The following ATP5PF variants were observed in gnomAD, a reference collection of about 807,000 sequenced individuals.
The protein encoded by ATP5PF is ATP synthase peripheral stalk subunit F6, also known as ATP synthase peripheral stalk subunit F6, mitochondrial.
Under a neutral mutation model 12.0 loss-of-function variants are expected in ATP5PF, and 7 were observed. The observed-to-expected ratio is 0.58, with a 90% CI of 0.33 to 1.10. The LOEUF (loss-of-function observed/expected upper bound fraction) is 1.10. ATP5PF is among the 50% of genes least tolerant of loss of function. The pLI is 0.03. For missense variants in ATP5PF, 120 were observed against 127.7 expected, an observed-to-expected ratio of 0.94 and a Z score of 0.29; for synonymous variants, 41 against 45.4, an observed-to-expected ratio of 0.90 and a Z score of 0.39.
At chr21:25,733,268 G>A (rs2034853328) in intron 1 of ATP5PF, among the ~76,000 whole-genome samples, 1 of 151,858 alleles carries the variant, frequency 6.6e-6, no homozygotes, top group South Asian at 2.1e-4. Flanking sequence ...GGTGGCTCAC[G>A]CTTGTAATCC....
chr21:25,725,450 T>C, intron 2 of ATP5PF, 100 bp from the exon 3 acceptor site: 1 of 1,338,632 alleles, frequency 7.5e-7, no homozygotes, highest in Non-Finnish European at 9.8e-7. Flanking sequence ...TTTTTTTTTT[T>C]TCTTTTTTGA....
upstream of ATP5PF, chr21:25,734,970 T>G (rs1189835647): frequency 8.9e-6 from 14 of 1,566,772 alleles, no homozygotes; most frequent in Non-Finnish European, 1.2e-5. Context: ...GGCCGCCGTT[T>G]CAGTCGGTCG....
intron 1 of ATP5PF, among the ~76,000 whole-genome samples, chr21:25,730,736 CAAAAAA>C (rs71183508): frequency 5.6e-4 from 18 of 31,880 alleles, no homozygotes; most frequent in Non-Finnish European, 8.4e-4. Context: ...CTCCGTCTCA[CAAAAAA>C]AAAAAAAAAA....
chr21:25,734,260 G>GT lies in ATP5PF; in HGVS notation c.-8+592dup, dbSNP rs533823275. ...ATCAGAAAGACTGGGGAAGGCAACA[G>GT]TAAGAAAACACTAGTCTGAGCAGAG... On this transcript the variant is annotated intron_variant, in intron 1 of 3. Coordinates refer to ENST00000284971, the MANE Select transcript of ATP5PF (RefSeq NM_001003703.2). 4.4e-4 allele frequency: 410 copies of GT among 930,132 alleles called. 1 individual carries two copies. The highest frequency in any genetic ancestry group is 5.5e-4 in the Middle Eastern group (1 of 1,816). 57.6% of individuals were successfully genotyped at this position (930,132 alleles called of 1,614,324 possible).
At chr21:25,732,331 G>A (rs965000372) in intron 1 of ATP5PF, among the ~76,000 whole-genome samples, 1 of 152,026 alleles carries the variant, frequency 6.6e-6, no homozygotes, top group African/African-American at 2.4e-5. Context: ...ACTCTGGAAT[G>A]GCATGTAAAA....
chr21:25,732,404 T>C (rs1323896196), intron 1 of ATP5PF, among the ~76,000 whole-genome samples: 3 of 151,940 alleles, frequency 2.0e-5, no homozygotes, highest in African/African-American at 4.8e-5. Flanking sequence ...CCCAGCACTT[T>C]GGAAGAACAA....
rs901459950 is a variant in ATP5PF, at chr21:25,731,558, CT to C, written c.-7-1758del. Among the ~76,000 whole-genome samples, 393 of 142,254 alleles carry C rather than the reference CT, an allele frequency of 2.8e-3. 1 individual carries two copies. The highest frequency in any genetic ancestry group is 3.0e-3 in the Admixed American group (43 of 14,190). The allele number at this position is 142,254 out of a possible 152,430, so 93.3% of individuals were successfully genotyped here. ...TGCCATCACACCAGGCTAATTTTTA[CT>C]TTTTTTTTTTTTTTGTAGAGACGAG... On this transcript the variant is annotated intron_variant, in intron 1 of 3. Coordinates refer to ENST00000284971, the MANE Select transcript of ATP5PF (RefSeq NM_001003703.2).
chr21:25,733,414 C>T (rs1009880517), intron 1 of ATP5PF, among the ~76,000 whole-genome samples: 9 of 152,094 alleles, frequency 5.9e-5, no homozygotes, highest in African/African-American at 1.9e-4. Flanking sequence ...CCTGTAGTCC[C>T]AGCTACTCCG....
chr21:25,726,084 T>C (rs966679528), intron 2 of ATP5PF, among the ~76,000 whole-genome samples: 2 of 152,172 alleles, frequency 1.3e-5, no homozygotes, highest in Non-Finnish European at 2.9e-5. Flanking sequence ...AATATGAAGG[T>C]TCTACCAAAC....
At chr21:25,725,442 T>A in intron 2 of ATP5PF, 92 bp from the exon 3 acceptor site, 5 of 1,358,538 alleles carry the variant, frequency 3.7e-6, no homozygotes, top group Non-Finnish European at 4.8e-6. Context: ...ACAGATCTTT[T>A]TTTTTTTTTC....
chr21:25,735,651 C>G (rs1174374257), upstream of ATP5PF: 1 of 152,096 alleles, frequency 6.6e-6, no homozygotes, highest in Non-Finnish European at 1.5e-5. Context: ...CCTTTTCCCC[C>G]ACAAGGGCCC....
intron 2 of ATP5PF, among the ~76,000 whole-genome samples, chr21:25,727,965 T>C (rs1342727886): frequency 6.6e-6 from 1 of 152,156 alleles, no homozygotes; most frequent in Non-Finnish European, 1.5e-5. Flanking sequence ...TCCTCCTCAG[T>C]TTTGGCAATG....
chr21:25,725,198 G>T (rs201833890), intron 3 of ATP5PF, 28 bp downstream of exon 3: 242 of 1,589,976 alleles, frequency 1.5e-4, no homozygotes, highest in Non-Finnish European at 1.9e-4. Flanking sequence ...TCCCCCACAA[G>T]AATGAATCTG....
chr21:25,730,198 G>A (rs776289832), intron 1 of ATP5PF, among the ~76,000 whole-genome samples: 1 of 152,158 alleles, frequency 6.6e-6, no homozygotes, highest in African/African-American at 2.4e-5. Context: ...TACCTCAGCC[G>A]GGCATGACAA....
At chr21:25,734,272 T>C (rs996432847) in intron 1 of ATP5PF, 23 of 954,360 alleles carry the variant, frequency 2.4e-5, no homozygotes, top group Non-Finnish European at 2.7e-5. Context: ...AAGAAAACAC[T>C]AGTCTGAGCA....
At chr21:25,733,693 G>A (rs1403479689) in intron 1 of ATP5PF, among the ~76,000 whole-genome samples, 2 of 152,160 alleles carry the variant, frequency 1.3e-5, no homozygotes, top group African/African-American at 4.8e-5. Flanking sequence ...TAGATACTGT[G>A]CAAAGTACTT....
At chr21:25,730,106 A>G (rs1451446440) in intron 1 of ATP5PF, among the ~76,000 whole-genome samples, 1 of 152,200 alleles carries the variant, frequency 6.6e-6, no homozygotes, top group Non-Finnish European at 1.5e-5. Flanking sequence ...CAGAGAAAAC[A>G]GTAGAGGTAG....
chr21:25,733,182 G>A (rs563776791), intron 1 of ATP5PF, among the ~76,000 whole-genome samples: 2 of 152,156 alleles, frequency 1.3e-5, no homozygotes, highest in East Asian at 3.9e-4. Context: ...AAGGTCATGT[G>A]CCACTTATTA....
chr21:25,724,601 A>C lies in ATP5PF; in HGVS notation c.*39T>G, dbSNP rs1330633898. The C allele has an allele frequency of 1.3e-6, 2 of 1,598,356 alleles. No homozygotes were observed. The highest frequency in any genetic ancestry group is 1.7e-6 in the Non-Finnish European group (2 of 1,171,172). ...AAACTTCTAACTAGTTGTACAACTA[A>C]TCCGTGACAAATTACCAGATTAATT... On this transcript the variant is annotated 3_prime_UTR_variant, in exon 4 of 4. Coordinates refer to ENST00000284971, the MANE Select transcript of ATP5PF (RefSeq NM_001003703.2).
Sources: allele counts gnomAD v4.1 joint callset (sites outside exome capture counted in the v4.1 genomes callset), GRCh38; gene constraint gnomAD v4.1.1; transcripts MANE v1.5; gene names NCBI Gene and HGNC (gene_info 2026-07-23, HGNC 2026-07-21).